BRD7: variants seen among roughly 807,000 people sequenced by gnomAD.
BRD7 encodes the protein bromodomain-containing protein 7.
BRD7 carries 15 observed loss-of-function variants against 82.1 expected under a neutral mutation model. The ratio of observed to expected loss-of-function variants is 0.18; its 90% CI spans 0.12 to 0.28. The LOEUF is 0.28. Among genes scored for constraint, BRD7 ranks in the 10% least tolerant of loss-of-function variants. The probability of loss-of-function intolerance (pLI) is 1.00; values close to 1 mark genes in which losing one functional copy is unlikely to be tolerated. For synonymous variants in BRD7, 232 were observed against 266.9 expected (o/e 0.87, Z 1.27); for missense variants, 638 against 779.9 (o/e 0.82, Z 2.17).
At chr16:50,326,729 AG>A in intron 9 of BRD7, among the ~76,000 whole-genome samples, 1 of 152,252 alleles carries the variant, frequency 6.6e-6, no homozygotes, top group Admixed American at 6.5e-5. Context: ...AAAGTTAACC[AG>A]TACAAAGGTT....
At chr16:50,352,728 A>T (rs1449103850) in intron 4 of BRD7, among the ~76,000 whole-genome samples, 28 of 140,656 alleles carry the variant, frequency 2.0e-4, no homozygotes, top group Non-Finnish European at 3.6e-4. Context: ...GTCTTTTGAT[A>T]ACAGGCATTC....
At chr16:50,334,209 C>T (rs895865073) in intron 7 of BRD7, among the ~76,000 whole-genome samples, 1 of 152,166 alleles carries the variant, frequency 6.6e-6, no homozygotes, top group Non-Finnish European at 1.5e-5. Context: ...CGGGCAGATG[C>T]GGCTGCCGTC....
chr16:50,353,375 C>G (rs536288172), intron 4 of BRD7, among the ~76,000 whole-genome samples: 1 of 152,022 alleles, frequency 6.6e-6, no homozygotes, highest in African/African-American at 2.4e-5. Context: ...AACTTCTGAT[C>G]TTAACTGCAA....
chr16:50,326,190 G>C, intron 10 of BRD7, 94 bp downstream of exon 10: 2 of 982,704 alleles, frequency 2.0e-6, no homozygotes, highest in Non-Finnish European at 3.1e-6. Flanking sequence ...CAAGATACTG[G>C]TGCCCACCTA....
intron 5 of BRD7, chr16:50,349,578 T>A (rs1348381194): frequency 6.4e-6 from 3 of 470,304 alleles, no homozygotes; most frequent in East Asian, 6.9e-5. Context: ...GAACTGTGAG[T>A]TAATCAAAGC....
intron 10 of BRD7, 22 bp from the exon 11 acceptor site, chr16:50,325,905 G>GTA: frequency 3.8e-6 from 6 of 1,568,630 alleles, no homozygotes; most frequent in Non-Finnish European, 5.2e-6. Flanking sequence ...ATCAAATACT[G>GTA]TAACACTATT....
intron 5 of BRD7, among the ~76,000 whole-genome samples, chr16:50,344,506 C>G (rs956052394): frequency 1.3e-5 from 2 of 152,094 alleles, no homozygotes; most frequent in Non-Finnish European, 2.9e-5. Context: ...TGCAAAGAAG[C>G]TAAAAACCTT....
rs71138065 is a variant in BRD7, at chr16:50,368,979, CG to C, written c.-206del. ...CCCGGCCGGAGCCCGAGAGCGGCGG[CG>C]GGGGGGGCGCGCGGCCGGCGCAGAG... On this transcript the variant is annotated 5_prime_UTR_variant, in exon 1 of 17. Coordinates refer to ENST00000394688, the MANE Select transcript of BRD7 (RefSeq NM_013263.5). 29,154 of 149,646 alleles carry C rather than the reference CG, an allele frequency of 0.19. 3,547 individuals carry two copies. Among genetic ancestry groups the C allele is most frequent in the East Asian group, 0.48 (2,283 of 4,764 alleles). The allele number at this position is 149,646 out of a possible 1,614,324, so 9.3% of individuals were successfully genotyped here.
intron 2 of BRD7, among the ~76,000 whole-genome samples, chr16:50,367,609 T>C (rs895195002): frequency 6.6e-6 from 1 of 152,208 alleles, no homozygotes; most frequent in Non-Finnish European, 1.5e-5. Flanking sequence ...AGAATATCAA[T>C]CTCCATTACA....
chr16:50,327,259 T>C (rs72786267), intron 9 of BRD7, among the ~76,000 whole-genome samples: 27,309 of 152,102 alleles, frequency 0.18, 2,949 homozygotes, highest in Admixed American at 0.26. Context: ...CAAGTCAGCT[T>C]TGGCCACATT....
At chr16:50,349,801 C>T (rs1410784587) in intron 5 of BRD7, among the ~76,000 whole-genome samples, 1 of 152,104 alleles carries the variant, frequency 6.6e-6, no homozygotes, top group Non-Finnish European at 1.5e-5. Context: ...CAAAATTTCG[C>T]TAAAGACAAA....
At chr16:50,343,802 G>C (rs552016705) in intron 5 of BRD7, among the ~76,000 whole-genome samples, 1 of 152,202 alleles carries the variant, frequency 6.6e-6, no homozygotes, top group Non-Finnish European at 1.5e-5. Flanking sequence ...AAAGCCACCG[G>C]GAAGCTCGAA....
intron 2 of BRD7, 114 bp from the exon 3 acceptor site, chr16:50,355,036 C>G: frequency 7.6e-7 from 1 of 1,307,226 alleles, no homozygotes; most frequent in Non-Finnish European, 1.0e-6. Context: ...TTCTTAATAA[C>G]AAGCTCAATG....
intron 5 of BRD7, among the ~76,000 whole-genome samples, chr16:50,343,164 T>C (rs2038140245): frequency 6.6e-6 from 1 of 152,244 alleles, no homozygotes; most frequent in Non-Finnish European, 1.5e-5. Context: ...TTAGAGTACA[T>C]GTGATATGGT....
Position 50,325,846 on chromosome 16 carries a change from T to C in BRD7, c.1233A>G (p.Ala411=). The C allele has an allele frequency of 1.2e-6, 2 of 1,611,834 alleles. No individual in the cohort carries two copies. The highest frequency in any genetic ancestry group is 1.7e-6 in the Non-Finnish European group (2 of 1,179,458). The change falls in exon 11 of 17, where the codon GCA becomes GCG. Residue 411 remains alanine (A), a synonymous_variant. Coordinates refer to ENST00000394688, the MANE Select transcript of BRD7 (RefSeq NM_013263.5). ...YLNYGPYSSY[A]PHYDSTFANI... Reference sequence around the variant, plus strand: ...TTGCAAATGTGGAGTCATAATGCGGTGCATAAGAACTGTAGGGCCCATAAT... The same window carrying C: ...TTGCAAATGTGGAGTCATAATGCGGCGCATAAGAACTGTAGGGCCCATAAT...
intron 4 of BRD7, 116 bp from the exon 5 acceptor site, chr16:50,350,283 T>TAA (rs1250532138): frequency 1.4e-6 from 1 of 727,486 alleles, no homozygotes; most frequent in African/African-American, 1.8e-5. Context: ...TGTAATATGT[T>TAA]AACATATTTT....
chr16:50,359,787 A>G (rs1265233696), intron 2 of BRD7, among the ~76,000 whole-genome samples: 3 of 152,200 alleles, frequency 2.0e-5, no homozygotes, highest in African/African-American at 4.8e-5. Flanking sequence ...TAGACTGGAC[A>G]AGTGTGGGAA....
At chr16:50,343,165 G>A (rs986012700) in intron 5 of BRD7, among the ~76,000 whole-genome samples, 1 of 152,210 alleles carries the variant, frequency 6.6e-6, no homozygotes, top group Non-Finnish European at 1.5e-5. Flanking sequence ...TAGAGTACAT[G>A]TGATATGGTT....
rs570725197 is a variant in BRD7, at chr16:50,343,950, G to A, written c.592-3864C>T. Among the ~76,000 whole-genome samples, 13 of 152,320 alleles carry A rather than the reference G, an allele frequency of 8.5e-5. No homozygotes were observed. In the South Asian group the frequency reaches 2.7e-3, roughly 32 times the overall value. Reference sequence around the variant, plus strand: ...AGCATGGAGTTTGAGATCTGAGAACGGACAGACTACCTCCTGAAGTGAGTC... The same window carrying A: ...AGCATGGAGTTTGAGATCTGAGAACAGACAGACTACCTCCTGAAGTGAGTC... On this transcript the variant is annotated intron_variant, in intron 5 of 16. Transcript: ENST00000394688.
Sources: allele counts gnomAD v4.1 joint callset (sites outside exome capture counted in the v4.1 genomes callset), GRCh38; gene constraint gnomAD v4.1.1; transcripts MANE v1.5; gene names NCBI Gene and HGNC (gene_info 2026-07-23, HGNC 2026-07-21).